DZANK1: variants seen among roughly 807,000 people sequenced by gnomAD.
The protein encoded by DZANK1 is double zinc ribbon and ankyrin repeat domains 1.
DZANK1 carries 91 observed loss-of-function variants against 94.5 expected under a neutral mutation model. The ratio of observed to expected loss-of-function variants is 0.96; its 90% CI spans 0.81 to 1.15. The LOEUF is 1.15. Among genes scored for constraint, DZANK1 ranks in the 50% most tolerant of loss-of-function variants. The probability of loss-of-function intolerance (pLI) is 0.00; values close to 1 mark genes in which losing one functional copy is unlikely to be tolerated. For missense variants in DZANK1, 903 were observed against 916.4 expected (o/e 0.99, Z 0.19); for synonymous variants, 312 against 325.3 (o/e 0.96, Z 0.44).
intron 13 of DZANK1, among the ~76,000 whole-genome samples, chr20:18,405,867 G>GA (rs1272261732): frequency 3.3e-5 from 5 of 152,266 alleles, no homozygotes; most frequent in Non-Finnish European, 7.3e-5. Context: ...GATGGAAAGA[G>GA]AATGTGTGCA....
At chr20:18,408,094 T>A (rs1268539433) in intron 13 of DZANK1, among the ~76,000 whole-genome samples, 1 of 152,130 alleles carries the variant, frequency 6.6e-6, no homozygotes, top group Non-Finnish European at 1.5e-5. Context: ...GGTGGGTGGA[T>A]CATTTGAGAT....
chr20:18,451,954 G>T (rs1286264682), intron 6 of DZANK1: 1 of 518,220 alleles, frequency 1.9e-6, no homozygotes. Context: ...AAATGGGACT[G>T]TGTCTTGCCT....
At chr20:18,428,142 C>T (rs113887157) in intron 9 of DZANK1, among the ~76,000 whole-genome samples, 2 of 146,528 alleles carry the variant, frequency 1.4e-5, no homozygotes, top group African/African-American at 5.0e-5. Flanking sequence ...CAGAGCAAGA[C>T]TCCGTCTCAA....
exon 3 of DZANK1, chr20:18,460,266 G>C (rs918341757): frequency 6.3e-7 from 1 of 1,587,448 alleles, no homozygotes; most frequent in East Asian, 2.3e-5. Context: ...ATTCAGGTTT[G>C]CTGCCATCCA....
intron 4 of DZANK1, 24 bp from the exon 5 acceptor site, chr20:18,453,851 C>T (rs2059192143): frequency 1.5e-6 from 2 of 1,344,488 alleles, no homozygotes; most frequent in Non-Finnish European, 2.1e-6. Flanking sequence ...GATTGCATAT[C>T]AATCACTTGG....
intron 5 of DZANK1, 94 bp downstream of exon 5, chr20:18,453,637 C>A: frequency 1.1e-6 from 1 of 869,974 alleles, no homozygotes; most frequent in Non-Finnish European, 1.9e-6. Flanking sequence ...TATTCCAACA[C>A]TTCTCCAGAC....
intron 17 of DZANK1, among the ~76,000 whole-genome samples, chr20:18,392,626 G>A (rs2056080530): frequency 6.6e-6 from 1 of 152,238 alleles, no homozygotes; most frequent in Non-Finnish European, 1.5e-5. Context: ...GGCATCCACT[G>A]CCCTTTTCTC....
At chr20:18,428,236 T>G (rs1488739108) in intron 9 of DZANK1, among the ~76,000 whole-genome samples, 1 of 150,568 alleles carries the variant, frequency 6.6e-6, no homozygotes, top group East Asian at 2.0e-4. Flanking sequence ...TCACCCAGGC[T>G]GGCGTGCAGT....
chr20:18,390,875 G>A (rs1337883691), intron 17 of DZANK1, among the ~76,000 whole-genome samples: 1 of 152,116 alleles, frequency 6.6e-6, no homozygotes, highest in South Asian at 2.1e-4. Context: ...CCTGAGGAAC[G>A]AATGAGCCAA....
At chr20:18,433,513 G>T in intron 9 of DZANK1, 139 bp downstream of exon 9, 2 of 698,902 alleles carry the variant, frequency 2.9e-6, no homozygotes, top group Non-Finnish European at 2.4e-6. Flanking sequence ...CTGCACTCCA[G>T]CCTGTGTGAC....
chr20:18,389,266 A>G (rs1243442117), intron 19 of DZANK1, among the ~76,000 whole-genome samples: 1 of 152,194 alleles, frequency 6.6e-6, no homozygotes, highest in Non-Finnish European at 1.5e-5. Context: ...TCTCCTCTGC[A>G]GTGGTGTGAG....
intron 1 of DZANK1, among the ~76,000 whole-genome samples, chr20:18,465,620 G>T (rs1461476270): frequency 6.6e-6 from 1 of 152,120 alleles, no homozygotes; most frequent in Non-Finnish European, 1.5e-5. Flanking sequence ...ATGAGATGGG[G>T]AAAAGAAAGA....
chr20:18,419,507 C>A (rs2057668397), intron 10 of DZANK1, among the ~76,000 whole-genome samples: 1 of 151,928 alleles, frequency 6.6e-6, no homozygotes, highest in Non-Finnish European at 1.5e-5. Flanking sequence ...TGCTGAAAAC[C>A]AACAATAAAG....
chr20:18,400,105 C>G (rs1403518153), intron 13 of DZANK1, among the ~76,000 whole-genome samples: 1 of 152,128 alleles, frequency 6.6e-6, no homozygotes, highest in East Asian at 1.9e-4. Context: ...AACTAATACC[C>G]CCTACCTCAT....
At chr20:18,385,155 G>A in intron 19 of DZANK1, 65 bp from the exon 20 acceptor site, 7 of 1,492,062 alleles carry the variant, frequency 4.7e-6, no homozygotes, top group Non-Finnish European at 6.4e-6. Flanking sequence ...TGGAGAGGAT[G>A]CATGTGACCC....
intron 13 of DZANK1, among the ~76,000 whole-genome samples, chr20:18,412,297 TTTATG>T (rs1600842229): frequency 6.6e-6 from 1 of 152,042 alleles, no homozygotes; most frequent in East Asian, 1.9e-4. Context: ...AATGGTGAAT[TTTATG>T]TTATTTAAAT....
intron 1 of DZANK1, among the ~76,000 whole-genome samples, chr20:18,466,304 G>A (rs1209320235): frequency 5.3e-5 from 8 of 152,150 alleles, no homozygotes; most frequent in African/African-American, 1.9e-4. Flanking sequence ...ATTTGTGGCT[G>A]GGCATTTAGG....
chr20:18,448,891 G>T, intron 7 of DZANK1, 93 bp downstream of exon 7: 1 of 1,004,442 alleles, frequency 1.0e-6, no homozygotes, highest in Non-Finnish European at 1.5e-6. Context: ...AAAAAAGTTG[G>T]AGGTGGGCAA....
intron 10 of DZANK1, among the ~76,000 whole-genome samples, chr20:18,422,903 A>T (rs1403130341): frequency 1.3e-5 from 2 of 151,162 alleles, no homozygotes; most frequent in Non-Finnish European, 2.9e-5. Context: ...TGTCAGCAAA[A>T]TTTTGATAGG....
Sources: allele counts gnomAD v4.1 joint callset (sites outside exome capture counted in the v4.1 genomes callset), GRCh38; gene constraint gnomAD v4.1.1; transcripts MANE v1.5; gene names NCBI Gene and HGNC (gene_info 2026-07-23, HGNC 2026-07-21).